Variants in PDE1A observed in about 807,000 individuals in gnomAD.
PDE1A encodes the protein phosphodiesterase 1A, also known as dual specificity calcium/calmodulin-dependent 3',5'-cyclic nucleotide phosphodiesterase 1A.
PDE1A carries 35 observed loss-of-function variants against 61.7 expected under a neutral mutation model. The observed-to-expected ratio is 0.57, with a 90% confidence interval of 0.43 to 0.75. The LOEUF (loss-of-function observed/expected upper bound fraction) is 0.75, where lower values mean the gene tolerates loss of function less well. Ranked by LOEUF, PDE1A falls within the 30% of genes least tolerant of loss-of-function variation. The pLI is 0.00. For missense variants in PDE1A, 597 were observed against 630.6 expected, an observed-to-expected ratio of 0.95 and a Z score of 0.57; for synonymous variants, 232 against 213.2, an observed-to-expected ratio of 1.09 and a Z score of -0.77.
At chr2:182,454,333 G>A (rs1206499982) in intron 2 of PDE1A, among the ~76,000 whole-genome samples, 3 of 152,104 alleles carry the variant, frequency 2.0e-5, no homozygotes, top group Admixed American at 1.3e-4. Flanking sequence ...CGTGAAAATG[G>A]CCACACTGCC....
At chr2:182,692,338 C>T in the PDE1A span, among the ~76,000 whole-genome samples, 6 of 152,144 alleles carry the variant, frequency 3.9e-5, no homozygotes, top group South Asian at 1.2e-3. Flanking sequence ...TACTATGCAG[C>T]CATAAAAATG....
chr2:182,339,273 T>TA (rs1698034256), intron 1 of PDE1A, among the ~76,000 whole-genome samples: 2 of 152,212 alleles, frequency 1.3e-5, no homozygotes. Context: ...GCATTTTTTT[T>TA]ACCCTACCTC....
chr2:182,675,785 C>T, the PDE1A span, among the ~76,000 whole-genome samples: 2 of 151,964 alleles, frequency 1.3e-5, no homozygotes, highest in South Asian at 2.1e-4. Context: ...ATGTTTTTTG[C>T]CCACTTGTTA....
chr2:182,235,428 C>A (rs1277905179), intron 3 of PDE1A, among the ~76,000 whole-genome samples: 2 of 152,220 alleles, frequency 1.3e-5, no homozygotes, highest in Non-Finnish European at 2.9e-5. Context: ...AGGCATGAGC[C>A]ACCACGCCCA....
At chr2:182,618,907 T>C in the PDE1A span, among the ~76,000 whole-genome samples, 1 of 152,042 alleles carries the variant, frequency 6.6e-6, no homozygotes, top group Non-Finnish European at 1.5e-5. Context: ...TCTGACACCA[T>C]GTTAGGATTA....
chr2:182,678,215 G>A, the PDE1A span, among the ~76,000 whole-genome samples: 1 of 152,168 alleles, frequency 6.6e-6, no homozygotes, highest in Non-Finnish European at 1.5e-5. Flanking sequence ...ATGAGGTCAG[G>A]GGTTTGAGAC....
the PDE1A span, among the ~76,000 whole-genome samples, chr2:182,561,685 T>C: frequency 2.0e-4 from 30 of 152,270 alleles, 1 homozygote; most frequent in African/African-American, 7.2e-4. Flanking sequence ...TTCCTACCCA[T>C]GAGCATGGAA....
At chr2:182,581,290 T>G in the PDE1A span, among the ~76,000 whole-genome samples, 1 of 152,202 alleles carries the variant, frequency 6.6e-6, no homozygotes, top group Non-Finnish European at 1.5e-5. Context: ...GGTTTAATTC[T>G]TCAAGTGTAG....
the PDE1A span, among the ~76,000 whole-genome samples, chr2:182,636,084 T>G: frequency 3.3e-5 from 5 of 150,224 alleles, no homozygotes; most frequent in African/African-American, 1.2e-4. Flanking sequence ...GGCTCCCGAG[T>G]AGCTGGGACT....
chr2:182,529,218 G>T, the PDE1A span, among the ~76,000 whole-genome samples: 46 of 152,362 alleles, frequency 3.0e-4, no homozygotes, highest in African/African-American at 1.1e-3. Flanking sequence ...CAGGGGCAGA[G>T]CTGCCAAAGA....
intron 10 of PDE1A, among the ~76,000 whole-genome samples, chr2:182,200,464 A>G (rs1456946590): frequency 6.6e-6 from 1 of 152,184 alleles, no homozygotes; most frequent in East Asian, 1.9e-4. Context: ...AGGAAAGCTC[A>G]GTAGAGCTTC....
At chr2:182,540,483 A>G in the PDE1A span, among the ~76,000 whole-genome samples, 2 of 152,074 alleles carry the variant, frequency 1.3e-5, no homozygotes, top group African/African-American at 4.8e-5. Context: ...AAGGGAAGCT[A>G]TTTTGCAAGG....
chr2:182,238,081 A>AC (rs570395276), intron 3 of PDE1A, among the ~76,000 whole-genome samples: 334 of 152,028 alleles, frequency 2.2e-3, no homozygotes, highest in Middle Eastern at 6.8e-3. Context: ...ATTCTGGCTA[A>AC]CACGCTGAAA....
chr2:182,479,898 G>C (rs1037390007), intron 2 of PDE1A, among the ~76,000 whole-genome samples: 5 of 151,836 alleles, frequency 3.3e-5, no homozygotes, highest in Non-Finnish European at 5.9e-5. Flanking sequence ...GACTAAGTAT[G>C]AATTCTGTCC....
chr2:182,378,090 C>T (rs1700518122), intron 1 of PDE1A, among the ~76,000 whole-genome samples: 2 of 152,184 alleles, frequency 1.3e-5, no homozygotes, highest in Non-Finnish European at 2.9e-5. Context: ...TCGTGATCCA[C>T]CCGCCTCAGC....
chr2:182,391,729 T>C (rs1701433115), intron 1 of PDE1A, among the ~76,000 whole-genome samples: 1 of 152,108 alleles, frequency 6.6e-6, no homozygotes, highest in Non-Finnish European at 1.5e-5. Flanking sequence ...GCAAGGTGGG[T>C]GTAGTTACCA....
At chr2:182,527,330 ATATATATATAT>A (rs1690792188), upstream of PDE1A, among the ~76,000 whole-genome samples, 8 of 7,378 alleles carry the variant, frequency 1.1e-3, no homozygotes, top group African/African-American at 1.8e-3. Flanking sequence ...AAAAAAAAAT[ATATATATATAT>A]ATATATATAT....
At chr2:182,294,424 T>G (rs1694739667) in intron 1 of PDE1A, among the ~76,000 whole-genome samples, 2 of 152,202 alleles carry the variant, frequency 1.3e-5, no homozygotes, top group Non-Finnish European at 2.9e-5. Context: ...ATAATGGCAT[T>G]AATAACTCAT....
At chr2:182,234,398 C>A in intron 4 of PDE1A, 34 bp downstream of exon 4, 2 of 1,464,080 alleles carry the variant, frequency 1.4e-6, no homozygotes, top group South Asian at 2.4e-5. Flanking sequence ...TTAAAATGAC[C>A]ATTTTATACA....
Sources: gnomAD v4.1 joint callset for allele counts (sites outside exome capture counted in the v4.1 genomes callset) on GRCh38, gnomAD v4.1.1 for gene constraint, MANE v1.5 for transcripts, NCBI Gene and HGNC (gene_info 2026-07-23, HGNC 2026-07-21) for gene names.